Variants in ASTN2 observed in about 807,000 individuals in gnomAD.
The protein encoded by ASTN2 is astrotactin-2.
Under a neutral mutation model 139.8 loss-of-function variants are expected in ASTN2, and 54 were observed. The ratio of observed to expected loss-of-function variants is 0.39; its 90% CI spans 0.31 to 0.48. The LOEUF (loss-of-function observed/expected upper bound fraction) is 0.48. Among genes scored for constraint, ASTN2 ranks in the 20% least tolerant of loss-of-function variants. The pLI is 0.95. For synonymous variants in ASTN2, 756 were observed against 719.5 expected (o/e 1.05, Z -0.81); for missense variants, 1,565 against 1,725.1 (o/e 0.91, Z 1.64).
chr9:116,729,615 T>C (rs1828725302), intron 14 of ASTN2, among the ~76,000 whole-genome samples: 2 of 152,242 alleles, frequency 1.3e-5, no homozygotes, highest in African/African-American at 2.4e-5. Context: ...AGTTGAGCAG[T>C]TGCAATACAA....
intron 2 of ASTN2, among the ~76,000 whole-genome samples, chr9:117,224,404 T>C (rs1229643622): frequency 6.6e-6 from 1 of 152,112 alleles, no homozygotes; most frequent in African/African-American, 2.4e-5. Context: ...TAAAAAAAAA[T>C]TTGATACAAA....
intron 10 of ASTN2, among the ~76,000 whole-genome samples, chr9:116,875,628 C>T (rs1004578060): frequency 2.0e-5 from 3 of 152,240 alleles, no homozygotes; most frequent in Non-Finnish European, 2.9e-5. Context: ...AAGATGCCAT[C>T]TAGGTCTTTC....
chr9:117,330,764 T>A (rs577745315), intron 1 of ASTN2, among the ~76,000 whole-genome samples: 1 of 152,192 alleles, frequency 6.6e-6, no homozygotes, highest in Non-Finnish European at 1.5e-5. Context: ...CCTTTCTTTG[T>A]AGCTAGTTGT....
chr9:116,556,335 C>A (rs1375308958), intron 19 of ASTN2, among the ~76,000 whole-genome samples: 4 of 152,082 alleles, frequency 2.6e-5, no homozygotes, highest in Non-Finnish European at 5.9e-5. Context: ...AGCTGTAGGG[C>A]TCTTTAAAAG....
chr9:117,394,270 T>C (rs1191930252), intron 1 of ASTN2, among the ~76,000 whole-genome samples: 1 of 152,228 alleles, frequency 6.6e-6, no homozygotes, highest in Non-Finnish European at 1.5e-5. Context: ...TCTGCAATAC[T>C]GGACACGTTC....
chr9:116,623,934 CTCTG>C (rs1856306903), intron 17 of ASTN2, among the ~76,000 whole-genome samples: 1 of 152,070 alleles, frequency 6.6e-6, no homozygotes, highest in African/African-American at 2.4e-5. Context: ...GCGTATGTGT[CTCTG>C]TGTGTTTGAG....
At chr9:116,982,393 T>C (rs556675099) in intron 7 of ASTN2, among the ~76,000 whole-genome samples, 1 of 152,144 alleles carries the variant, frequency 6.6e-6, no homozygotes, top group African/African-American at 2.4e-5. Context: ...AAACAGCTGT[T>C]TGGGTTCATA....
chr9:117,275,723 GC>G (rs1834171163), intron 2 of ASTN2, among the ~76,000 whole-genome samples: 1 of 151,944 alleles, frequency 6.6e-6, no homozygotes, highest in East Asian at 1.9e-4. Flanking sequence ...GTGCCACCAT[GC>G]CTGGCTAATT....
chr9:116,440,844 G>C (rs758475281), intron 21 of ASTN2, 52 bp from the exon 22 acceptor site: 3 of 1,554,276 alleles, frequency 1.9e-6, no homozygotes, highest in Non-Finnish European at 2.6e-6. Flanking sequence ...AAAAAAGTAA[G>C]GATATAAGCA....
At chr9:117,111,074 T>C (rs1829237102) in intron 4 of ASTN2, among the ~76,000 whole-genome samples, 1 of 152,142 alleles carries the variant, frequency 6.6e-6, no homozygotes, top group Non-Finnish European at 1.5e-5. Flanking sequence ...ACAGCTGAAG[T>C]CCAACCAAAT....
intron 7 of ASTN2, among the ~76,000 whole-genome samples, chr9:116,982,559 T>TC (rs904147099): frequency 6.6e-6 from 1 of 151,816 alleles, no homozygotes; most frequent in African/African-American, 2.4e-5. Flanking sequence ...GATTTTTTTT[T>TC]TAAATTATCA....
At chr9:116,817,566 T>A (rs1015796856) in intron 12 of ASTN2, among the ~76,000 whole-genome samples, 1 of 152,138 alleles carries the variant, frequency 6.6e-6, no homozygotes, top group Non-Finnish European at 1.5e-5. Context: ...GGAACCTAGC[T>A]GGAAATGAAA....
At chr9:116,881,357 T>A (rs1833445939) in intron 10 of ASTN2, among the ~76,000 whole-genome samples, 1 of 152,222 alleles carries the variant, frequency 6.6e-6, no homozygotes, top group African/African-American at 2.4e-5. Context: ...GGAATGCAAC[T>A]GCCTCTGACT....
chr9:117,158,986 C>T (rs1830488745), intron 3 of ASTN2, among the ~76,000 whole-genome samples: 2 of 151,944 alleles, frequency 1.3e-5, no homozygotes, highest in Non-Finnish European at 2.9e-5. Context: ...CTCCCTACCT[C>T]ATCCTCTCTC....
At chr9:116,524,093 C>T (rs892875297) in intron 19 of ASTN2, among the ~76,000 whole-genome samples, 2 of 152,046 alleles carry the variant, frequency 1.3e-5, no homozygotes, top group African/African-American at 2.4e-5. Flanking sequence ...ATGGATGTTA[C>T]CTCTCATTTC....
chr9:116,451,216 A>G (rs1480396638), intron 20 of ASTN2, among the ~76,000 whole-genome samples: 1 of 152,262 alleles, frequency 6.6e-6, no homozygotes, highest in Non-Finnish European at 1.5e-5. Context: ...ATTCACTGGT[A>G]TGTGAGCATC....
chr9:117,027,291 C>T (rs2132626771), intron 6 of ASTN2, among the ~76,000 whole-genome samples: 1 of 152,298 alleles, frequency 6.6e-6, no homozygotes, highest in Admixed American at 6.5e-5. Context: ...ACTCCACAGC[C>T]TGAACTCTGA....
At chr9:116,712,490 T>G (rs1446364013) in intron 16 of ASTN2, among the ~76,000 whole-genome samples, 1 of 152,220 alleles carries the variant, frequency 6.6e-6, no homozygotes, top group Non-Finnish European at 1.5e-5. Context: ...TAATTGTTGC[T>G]GAATAAAACC....
chr9:117,278,960 C>T (rs527921636), intron 2 of ASTN2, among the ~76,000 whole-genome samples: 13 of 152,272 alleles, frequency 8.5e-5, no homozygotes, highest in Admixed American at 1.3e-4. Flanking sequence ...TGTAAGACAT[C>T]GTGAGTCACC....
Sources: gnomAD v4.1 joint callset for allele counts (sites outside exome capture counted in the v4.1 genomes callset) on GRCh38, gnomAD v4.1.1 for gene constraint, MANE v1.5 for transcripts, NCBI Gene and HGNC (gene_info 2026-07-23, HGNC 2026-07-21) for gene names.